Variants in NIPSNAP1 observed in about 807,000 individuals in gnomAD.
NIPSNAP1 encodes nipsnap homolog 1.
In NIPSNAP1, 25 loss-of-function variants were observed where a neutral mutation model predicts 49.2. The observed-to-expected ratio is 0.51, with a 90% CI of 0.37 to 0.71. The LOEUF is 0.71. Ranked by LOEUF, NIPSNAP1 falls within the 30% of genes least tolerant of loss-of-function variation. NIPSNAP1 has a pLI of 0.00. For missense variants in NIPSNAP1, 294 were observed against 361.0 expected, an observed-to-expected ratio of 0.81 and a Z score of 1.50; for synonymous variants, 143 against 140.7, an observed-to-expected ratio of 1.02 and a Z score of -0.12.
intron 4 of NIPSNAP1, among the ~76,000 whole-genome samples, chr22:29,563,346 T>A (rs465742): frequency 0.88 from 132,984 of 151,814 alleles, 58,483 homozygotes; most frequent in African/African-American, 0.96. Flanking sequence ...CCTCACCAAC[T>A]TGGCGAAACC....
chr22:29,560,850 G>C (rs1454187329), intron 7 of NIPSNAP1, 22 bp from the exon 8 acceptor site: 1 of 1,606,954 alleles, frequency 6.2e-7, no homozygotes, highest in South Asian at 1.1e-5. Context: ...ACAATAATAT[G>C]GGGCAGAAGC....
chr22:29,567,836 C>T (rs551185078), intron 4 of NIPSNAP1, among the ~76,000 whole-genome samples: 2 of 151,472 alleles, frequency 1.3e-5, no homozygotes, highest in East Asian at 2.0e-4. Context: ...CACTGGGTAA[C>T]AAGACCTGGT....
At chr22:29,558,643 C>T (rs1025094331) in intron 9 of NIPSNAP1, among the ~76,000 whole-genome samples, 7 of 152,146 alleles carry the variant, frequency 4.6e-5, no homozygotes, top group Non-Finnish European at 7.4e-5. Flanking sequence ...ATCCACATCT[C>T]CTAGGCAGAG....
chr22:29,561,362 T>C, intron 6 of NIPSNAP1, 144 bp downstream of exon 6: 3 of 1,412,392 alleles, frequency 2.1e-6, no homozygotes, highest in South Asian at 2.3e-5. Flanking sequence ...GGTGTGCATG[T>C]TTGCACACAT....
chr22:29,570,617 G>A (rs1372623666), intron 1 of NIPSNAP1, 85 bp from the exon 2 acceptor site: 57 of 1,526,588 alleles, frequency 3.7e-5, no homozygotes, highest in Non-Finnish European at 4.8e-5. Context: ...TGCTCCCCTA[G>A]ACCAGTGACC....
intron 9 of NIPSNAP1, among the ~76,000 whole-genome samples, chr22:29,558,272 C>T (rs1345637817): frequency 6.6e-6 from 1 of 152,030 alleles, no homozygotes; most frequent in African/African-American, 2.4e-5. Flanking sequence ...GAGTTCGAGA[C>T]CAGCTTGGCC....
chr22:29,570,127 G>C, intron 3 of NIPSNAP1, 35 bp downstream of exon 3: 1 of 1,599,030 alleles, frequency 6.3e-7, no homozygotes, highest in Non-Finnish European at 8.6e-7. Context: ...CCCCACCCAA[G>C]CAGGGGATGG....
At chr22:29,574,989 T>C (rs1331297959) in intron 1 of NIPSNAP1, among the ~76,000 whole-genome samples, 1 of 151,970 alleles carries the variant, frequency 6.6e-6, no homozygotes, top group Non-Finnish European at 1.5e-5. Context: ...GCCCAGAGAG[T>C]TTAAGGGACT....
intron 9 of NIPSNAP1, among the ~76,000 whole-genome samples, chr22:29,556,251 A>T (rs1462778963): frequency 6.6e-6 from 1 of 152,152 alleles, no homozygotes; most frequent in Non-Finnish European, 1.5e-5. Flanking sequence ...TTGGCCAGGC[A>T]TGGTGGCTTG....
rs751804661 is a variant in NIPSNAP1, at chr22:29,569,180, G to C, written c.367+13C>G. On this transcript the variant is annotated intron_variant, in intron 4 of 9. Coordinates refer to ENST00000216121, the MANE Select transcript of NIPSNAP1 (RefSeq NM_003634.4). ...GGGCAGTGGCAATGGCACTAGGGAG[G>C]TGAGCGCCTTACCTGCCTGGTCCTG... 1.9e-6 allele frequency: 3 copies of C among 1,612,224 alleles called. No individual in the cohort carries two copies. In the South Asian group the frequency reaches 3.3e-5, roughly 18 times the overall value.
At chr22:29,569,107 G>T in intron 4 of NIPSNAP1, 86 bp downstream of exon 4, 1 of 1,010,684 alleles carries the variant, frequency 9.9e-7, no homozygotes, top group East Asian at 2.5e-5. Flanking sequence ...CTGTTGTGGA[G>T]AGGGAGTGGA....
At position 29,560,653 on chromosome 22, in the gene NIPSNAP1, C is replaced by G. The variant is rs1354201772; in HGVS notation, c.706+81G>C. On this transcript the variant is annotated intron_variant, in intron 8 of 9. Coordinates refer to ENST00000216121, the MANE Select transcript of NIPSNAP1 (RefSeq NM_003634.4). ...TAGAACATTAAGTTCTATGAGGACA[C>G]TAATACAACCCCATTGGCTACAGAG... 6 of 1,100,964 alleles carry G rather than the reference C, an allele frequency of 5.4e-6. No individual in the cohort carries two copies. The East Asian group carries it at 9.4e-5, about 17-fold the overall frequency. 68.2% of individuals were successfully genotyped at this position (1,100,964 alleles called of 1,614,324 possible).
chr22:29,564,326 G>A (rs1219840382), intron 4 of NIPSNAP1: 2 of 470,682 alleles, frequency 4.2e-6, no homozygotes, highest in African/African-American at 2.0e-5. Context: ...CAAAGGAAAT[G>A]GCAAAAGTAC....
rs367613030 is a variant in NIPSNAP1 at position 29,561,891 on chromosome 22, G to A, written c.368-29C>T. The A allele has an allele frequency of 1.9e-6, 3 of 1,610,102 alleles. No individual in the cohort carries two copies. The South Asian group carries it at 3.3e-5, about 18-fold the overall frequency. ...TTGGGGGTGAGAGGTATAGGTCAGT[G>A]AGCTGCTGGGACCCCCAGCAGATGA... On this transcript the variant is annotated intron_variant, in intron 4 of 9. Coordinates refer to ENST00000216121, the MANE Select transcript of NIPSNAP1 (RefSeq NM_003634.4).
At chr22:29,572,498 A>C (rs1006752174) in intron 1 of NIPSNAP1, among the ~76,000 whole-genome samples, 1 of 151,292 alleles carries the variant, frequency 6.6e-6, no homozygotes, top group African/African-American at 2.4e-5. Flanking sequence ...CTGGGCAACA[A>C]AATGAGACTC....
intron 1 of NIPSNAP1, among the ~76,000 whole-genome samples, chr22:29,575,710 G>GTT (rs55772657): frequency 6.8e-6 from 1 of 146,662 alleles, no homozygotes; most frequent in African/African-American, 2.5e-5. Flanking sequence ...CCCAGGAGTT[G>GTT]TTTTTTTTTT....
intron 1 of NIPSNAP1, among the ~76,000 whole-genome samples, chr22:29,572,975 C>CA (rs1012706735): frequency 8.4e-4 from 113 of 133,734 alleles, no homozygotes; most frequent in East Asian, 2.8e-3. Context: ...GACCATGTCT[C>CA]AAAAAAAAAA....
In NIPSNAP1 at chr22:29,570,668, C is replaced by A; in HGVS notation, c.99-136G>T. 29 of 1,180,490 alleles carry A rather than the reference C, an allele frequency of 2.5e-5. No homozygotes were observed. The South Asian group carries it at 4.4e-4, about 18-fold the overall frequency. 73.1% of individuals were successfully genotyped at this position (1,180,490 alleles called of 1,614,324 possible). On this transcript the variant is annotated intron_variant, in intron 1 of 9. Coordinates refer to ENST00000216121, the MANE Select transcript of NIPSNAP1 (RefSeq NM_003634.4). ...AGGGCCACGGAGTCCTGTGGCAGCT[C>A]CAGACTGTGAAATGCTATTGGAGCC...
In NIPSNAP1 at chr22:29,577,343, C is replaced by T. The variant is rs146609659; in HGVS notation, c.98+3642G>A. Among the ~76,000 whole-genome samples the T allele has an allele frequency of 2.3e-4, 35 of 151,352 alleles. 4 individuals carry two copies. The highest frequency in any genetic ancestry group is 8.1e-4 in the African/African-American group (33 of 40,714). The stretch of plus-strand genomic sequence containing the variant: ...TCTCGGCTCACTGCAACTTCCACCT[C>T]CCAGGTTCAAGGGATTCTCCTGCCT... On this transcript the variant is annotated intron_variant, in intron 1 of 9. Coordinates refer to ENST00000216121, the MANE Select transcript of NIPSNAP1 (RefSeq NM_003634.4).
Sources: allele counts gnomAD v4.1 joint callset (sites outside exome capture counted in the v4.1 genomes callset), GRCh38; gene constraint gnomAD v4.1.1; transcripts MANE v1.5; gene names NCBI Gene and HGNC (gene_info 2026-07-23, HGNC 2026-07-21).